CHP1: variants seen among roughly 807,000 people sequenced by gnomAD.
The protein encoded by CHP1 is calcineurin like EF-hand protein 1.
A neutral mutation model predicts 27.4 loss-of-function variants in CHP1; 11 were observed. The ratio of observed to expected loss-of-function variants is 0.40; its 90% CI spans 0.25 to 0.67. The LOEUF (loss-of-function observed/expected upper bound fraction) is 0.67, where lower values mean the gene tolerates loss of function less well. Among genes scored for constraint, CHP1 ranks in the 30% least tolerant of loss-of-function variants. CHP1 has a pLI of 0.38. For synonymous variants in CHP1, 89 were observed against 87.4 expected, an observed-to-expected ratio of 1.02 and a Z score of -0.10; for missense variants, 169 against 251.3, an observed-to-expected ratio of 0.67 and a Z score of 2.22.
At chr15:41,277,791 GAA>G (rs559045538) in intron 5 of CHP1, among the ~76,000 whole-genome samples, 5 of 117,888 alleles carry the variant, frequency 4.2e-5, no homozygotes, top group Admixed American at 8.9e-5. Flanking sequence ...TCCGCCTCAG[GAA>G]AAAAAAAAAA....
intron 5 of CHP1, among the ~76,000 whole-genome samples, chr15:41,276,756 G>A (rs933059732): frequency 3.3e-5 from 5 of 152,310 alleles, no homozygotes; most frequent in South Asian, 4.1e-4. Context: ...CGAAGAGGAC[G>A]ACATTTTGGG....
chr15:41,248,148 ATTT>A (rs879583449), intron 2 of CHP1, among the ~76,000 whole-genome samples: 2 of 143,202 alleles, frequency 1.4e-5, no homozygotes. Flanking sequence ...TGCTGGCAAT[ATTT>A]TTTTTTTTTT....
chr15:41,238,354 T>C (rs1194445306), intron 1 of CHP1, among the ~76,000 whole-genome samples: 2 of 151,712 alleles, frequency 1.3e-5, no homozygotes, highest in Admixed American at 1.3e-4. Context: ...AGAGATGAAG[T>C]CTTGCTTTGT....
At chr15:41,249,647 T>G (rs987247608) in intron 2 of CHP1, among the ~76,000 whole-genome samples, 2 of 151,794 alleles carry the variant, frequency 1.3e-5, no homozygotes, top group Non-Finnish European at 2.9e-5. Flanking sequence ...TAATTTTTTG[T>G]ATTTTTAGTA....
intron 2 of CHP1, among the ~76,000 whole-genome samples, chr15:41,246,183 A>C (rs2140926742): frequency 6.6e-6 from 1 of 152,176 alleles, no homozygotes; most frequent in Middle Eastern, 3.4e-3. Flanking sequence ...TTCAGACTTA[A>C]CCACCCAGTA....
At chr15:41,237,603 G>A (rs1266070218) in intron 1 of CHP1, among the ~76,000 whole-genome samples, 1 of 152,176 alleles carries the variant, frequency 6.6e-6, no homozygotes, top group Non-Finnish European at 1.5e-5. Flanking sequence ...GTCTATTCCG[G>A]GAAGCGCAGG....
chr15:41,232,709 A>T (rs1413054167), intron 1 of CHP1, among the ~76,000 whole-genome samples: 6 of 152,152 alleles, frequency 3.9e-5, no homozygotes, highest in Non-Finnish European at 8.8e-5. Flanking sequence ...TATTGAGTTA[A>T]TGAAGGATGT....
intron 2 of CHP1, among the ~76,000 whole-genome samples, chr15:41,245,162 C>A (rs1013355558): frequency 5.9e-5 from 9 of 152,176 alleles, no homozygotes; most frequent in Non-Finnish European, 1.3e-4. Flanking sequence ...ATGGCCCTCT[C>A]ATAACTGACT....
At chr15:41,238,097 C>T (rs893127717) in intron 1 of CHP1, among the ~76,000 whole-genome samples, 1 of 152,172 alleles carries the variant, frequency 6.6e-6, no homozygotes, top group Non-Finnish European at 1.5e-5. Context: ...CTCCTCTTTG[C>T]ACAATGCAGT....
intron 5 of CHP1, among the ~76,000 whole-genome samples, chr15:41,277,462 A>G (rs2047524769): frequency 6.6e-6 from 1 of 151,984 alleles, no homozygotes; most frequent in Admixed American, 6.6e-5. Context: ...TGGGCAACAC[A>G]GTGAGACCTC....
At chr15:41,266,638 C>A (rs934278175) in intron 4 of CHP1, among the ~76,000 whole-genome samples, 1 of 152,064 alleles carries the variant, frequency 6.6e-6, no homozygotes, top group Admixed American at 6.6e-5. Flanking sequence ...ATCCTAGTGT[C>A]CATCGACAGA....
intron 3 of CHP1, among the ~76,000 whole-genome samples, chr15:41,257,306 G>A (rs190744416): frequency 3.1e-4 from 47 of 151,992 alleles, no homozygotes; most frequent in African/African-American, 1.0e-3. Flanking sequence ...AAAGTAATTC[G>A]GAGAATACTT....
At chr15:41,269,067 A>G (rs2047475985) in intron 4 of CHP1, among the ~76,000 whole-genome samples, 1 of 151,990 alleles carries the variant, frequency 6.6e-6, no homozygotes, top group African/African-American at 2.4e-5. Context: ...AAAATTAGCC[A>G]GGTGTGGTGT....
At position 41,265,256 on chromosome 15, in the gene CHP1, C is replaced by T. The variant is rs188531864; in HGVS notation, c.349+2373C>T. Among the ~76,000 whole-genome samples, 204 of 148,694 alleles carry T rather than the reference C, an allele frequency of 1.4e-3. 1 individual carries two copies. Among genetic ancestry groups the T allele is most frequent in the African/African-American group, 4.9e-3 (196 of 40,390 alleles). On this transcript the variant is annotated intron_variant, in intron 4 of 6. Coordinates refer to ENST00000334660, the MANE Select transcript of CHP1 (RefSeq NM_007236.5). ...GTGGATGCCTGTAATCCCAGCTACT[C>T]AGGAGGCTGAGGCGGGAGAATTGCT...
chr15:41,234,933 A>G (rs1016930296), intron 1 of CHP1, among the ~76,000 whole-genome samples: 1 of 152,202 alleles, frequency 6.6e-6, no homozygotes, highest in African/African-American at 2.4e-5. Flanking sequence ...TTGATTAGGA[A>G]TTAAGTACAG....
In CHP1 at chr15:41,279,824, C is replaced by T. The variant is rs375113499; in HGVS notation, c.*435C>T. The T allele has an allele frequency of 1.9e-5, 3 of 161,852 alleles. No individual in the cohort carries two copies. In the East Asian group the frequency reaches 5.4e-4, roughly 29 times the overall value. 10.0% of individuals were successfully genotyped at this position (161,852 alleles called of 1,614,324 possible). A position where few individuals can be genotyped will look rare whatever the true frequency, so the allele number is the denominator to read the frequency against. ...TTATATGTTCTTTGCTTCCTACTTC[C>T]CTGTCTTCCAACATACTGTTCACTT... On this transcript the variant is annotated 3_prime_UTR_variant, in exon 7 of 7. Coordinates refer to ENST00000334660, the MANE Select transcript of CHP1 (RefSeq NM_007236.5).
At chr15:41,237,961 C>G (rs1334779489) in intron 1 of CHP1, among the ~76,000 whole-genome samples, 1 of 152,096 alleles carries the variant, frequency 6.6e-6, no homozygotes, top group African/African-American at 2.4e-5. Context: ...ACCCACCTCC[C>G]AAAAGTGCTA....
intron 4 of CHP1, among the ~76,000 whole-genome samples, chr15:41,265,920 C>T (rs1050414597): frequency 1.3e-5 from 2 of 152,180 alleles, no homozygotes; most frequent in Non-Finnish European, 2.9e-5. Context: ...TAGTGCCACT[C>T]TGCTCTTCTG....
intron 1 of CHP1, 55 bp from the exon 2 acceptor site, chr15:41,243,612 T>C (rs2047318082): frequency 6.9e-7 from 1 of 1,445,386 alleles, no homozygotes; most frequent in Middle Eastern, 1.8e-4. Context: ...AGGGGTGGGT[T>C]CAGTGTGAAT....
Sources: allele counts gnomAD v4.1 joint callset (sites outside exome capture counted in the v4.1 genomes callset), GRCh38; gene constraint gnomAD v4.1.1; transcripts MANE v1.5; gene names NCBI Gene and HGNC (gene_info 2026-07-23, HGNC 2026-07-21).